The following ZNF516 variants were observed in gnomAD, a reference collection of about 807,000 sequenced individuals.
The protein encoded by ZNF516 is zinc finger protein 516.
Under a neutral mutation model 79.7 loss-of-function variants are expected in ZNF516, and 19 were observed. The ratio of observed to expected loss-of-function variants is 0.24; its 90% CI spans 0.17 to 0.35. The LOEUF is 0.35. Ranked by LOEUF, ZNF516 falls within the 10% of genes least tolerant of loss-of-function variation. The probability of loss-of-function intolerance (pLI) is 1.00; values close to 1 mark genes in which losing one functional copy is unlikely to be tolerated. For synonymous variants in ZNF516, 877 were observed against 739.5 expected (o/e 1.19, Z -3.02); for missense variants, 1,678 against 1,679.5 (o/e 1.00, Z 0.02).
At chr18:76,475,867 A>G (rs1914144967) in intron 1 of ZNF516, among the ~76,000 whole-genome samples, 1 of 152,256 alleles carries the variant, frequency 6.6e-6, no homozygotes, top group Non-Finnish European at 1.5e-5. Flanking sequence ...TTTAAAATGT[A>G]TATATTTAAA....
intron 1 of ZNF516, among the ~76,000 whole-genome samples, chr18:76,466,542 G>A (rs1913481546): frequency 6.6e-6 from 1 of 152,244 alleles, no homozygotes; most frequent in Non-Finnish European, 1.5e-5. Context: ...TACTTGGCTG[G>A]CACGGCCGGA....
intron 2 of ZNF516, among the ~76,000 whole-genome samples, chr18:76,462,504 C>G (rs529134241): frequency 6.6e-6 from 1 of 152,256 alleles, no homozygotes; most frequent in Admixed American, 6.5e-5. Context: ...AACCTGCCCC[C>G]GTGCGGACGC....
At position 76,380,040 on chromosome 18, in the gene ZNF516, C is replaced by T; in HGVS notation, c.2074G>A (p.Glu692Lys). ...QEVPVPGDGVEFPSSTGAEGQ... is the reference protein window; with the variant it reads ...QEVPVPGDGVKFPSSTGAEGQ... ...TCCGCTCCCGTACTGGAAGGGAACTCCACACCATCACCAGGGACGGGCACC... is the reference window on the plus strand; with the variant it reads ...TCCGCTCCCGTACTGGAAGGGAACTTCACACCATCACCAGGGACGGGCACC... The change falls in exon 4 of 7, where the codon GAG becomes AAG. Residue 692 changes from glutamate (E) to lysine (K), a missense_variant. Physicochemically the swap from Glu to Lys is moderately conservative, Grantham distance 56 (BLOSUM62 1). This residue lies in a region of ZNF516 where 1,294 missense variants were observed against 1,248.3 expected (regional missense o/e 1.04). Coordinates refer to ENST00000443185, the MANE Select transcript of ZNF516 (RefSeq NM_014643.4). 6.2e-7 allele frequency: 1 copy of T among 1,613,960 alleles called. No homozygotes were observed. Among genetic ancestry groups the T allele is most frequent in the Non-Finnish European group, 8.5e-7 (1 of 1,179,866 alleles).
intron 1 of ZNF516, among the ~76,000 whole-genome samples, chr18:76,487,289 T>C (rs561423918): frequency 2.4e-3 from 359 of 152,332 alleles, no homozygotes; most frequent in Non-Finnish European, 3.8e-3. Context: ...TGTGGCCAGA[T>C]GCAGAGCATA....
chr18:76,379,138 C>T lies in ZNF516; in HGVS notation c.2976G>A (p.Gly992=). The change falls in exon 4 of 7, where the codon GGG becomes GGA. Residue 992 remains glycine, a synonymous_variant. Transcript: ENST00000443185. The part of the protein sequence containing the change: ...PQGPPPAKGE[G]GAPPLPPREP... ...CGCGGGGAGGTAGAGGAGGAGCGCC[C>T]CCTTCGCCCTTTGCAGGAGGTGGAC... 6.2e-7 allele frequency: 1 copy of T among 1,612,770 alleles called. No homozygotes were observed. The highest frequency in any genetic ancestry group is 8.5e-7 in the Non-Finnish European group (1 of 1,179,686).
At chr18:76,475,622 G>A (rs751942515) in intron 1 of ZNF516, among the ~76,000 whole-genome samples, 3 of 152,094 alleles carry the variant, frequency 2.0e-5, no homozygotes, top group Non-Finnish European at 4.4e-5. Context: ...GCTCCACAGG[G>A]CAGCAGCCAG....
intron 1 of ZNF516, chr18:76,492,999 C>T (rs762144798): frequency 2.1e-5 from 21 of 985,490 alleles, no homozygotes; most frequent in Middle Eastern, 1.0e-3. Context: ...CACACACACA[C>T]CCCAAATTAC....
chr18:76,462,725 CCCACCCCAGGAGCA>C (rs890879523), intron 2 of ZNF516, among the ~76,000 whole-genome samples: 93 of 152,156 alleles, frequency 6.1e-4, no homozygotes, highest in Non-Finnish European at 2.1e-4. Flanking sequence ...GAATGGACCC[CCCACCCCAGGAGCA>C]CCAAGTTCTA....
In ZNF516 at chr18:76,380,055, G is replaced by A. The variant is rs2145034583; in HGVS notation, c.2059C>T (p.Pro687Ser). The A allele has an allele frequency of 6.2e-7, 1 of 1,613,872 alleles. No individual in the cohort carries two copies. The highest frequency in any genetic ancestry group is 1.1e-5 in the South Asian group (1 of 91,076). The change falls in exon 4 of 7, where the codon CCT (proline) becomes TCT (serine). Residue 687 changes from proline (P) to serine (S), a missense_variant. Around this residue, in one of 5 missense-constraint regions of ZNF516, gnomAD observed 1,294 missense variants for 1,248.3 expected, o/e 1.04. Coordinates refer to ENST00000443185, the MANE Select transcript of ZNF516 (RefSeq NM_014643.4). Reference sequence around the variant, plus strand: ...GAAGGGAACTCCACACCATCACCAGGGACGGGCACCTCCTGCTTGGGGTGA... The same window carrying A: ...GAAGGGAACTCCACACCATCACCAGAGACGGGCACCTCCTGCTTGGGGTGA... Reference protein sequence around the residue: ...AFHPKQEVPVPGDGVEFPSST... With the variant: ...AFHPKQEVPVSGDGVEFPSST...
At chr18:76,418,261 C>T (rs763850330) in intron 3 of ZNF516, among the ~76,000 whole-genome samples, 17 of 151,780 alleles carry the variant, frequency 1.1e-4, no homozygotes, top group Admixed American at 3.3e-4. Flanking sequence ...TAACATACAC[C>T]GTAACACACT....
At chr18:76,421,249 G>A (rs1041419945) in intron 3 of ZNF516, among the ~76,000 whole-genome samples, 1 of 152,246 alleles carries the variant, frequency 6.6e-6, no homozygotes, top group Non-Finnish European at 1.5e-5. Context: ...TAGAGACAGG[G>A]TGTGAAGTCA....
Position 76,360,632 on chromosome 18 carries a change from T to TTAAAA in ZNF516, c.*1865_*1866insTTTTA, listed in dbSNP as rs2074516121. 1 of 25,718 alleles carries TTAAAA rather than the reference T, an allele frequency of 3.9e-5. No individual in the cohort carries two copies. The highest frequency in any genetic ancestry group is 7.7e-4 in the Admixed American group (1 of 1,296). The allele number at this position is 25,718 out of a possible 1,614,324, so 1.6% of individuals were successfully genotyped here. On this transcript the variant is annotated 3_prime_UTR_variant, in exon 7 of 7. Transcript: ENST00000443185. ...TGTAAGAATATCAGAAAAAAATAAG[T>TTAAAA]AAAAAAAAAAAAAAATATATATATA...
chr18:76,449,096 G>A (rs547977150), intron 2 of ZNF516, among the ~76,000 whole-genome samples: 11 of 152,122 alleles, frequency 7.2e-5, no homozygotes, highest in Admixed American at 6.5e-4. Flanking sequence ...ACATCCTGTC[G>A]GCTGCACCTC....
rs555937325 is a variant in ZNF516 at position 76,414,963 on chromosome 18, C to CGAGGTGGGCAGATCACCT, written c.1810+26264_1810+26281dup. Among the ~76,000 whole-genome samples, 285 of 152,286 alleles carry CGAGGTGGGCAGATCACCT rather than the reference C, an allele frequency of 1.9e-3. 1 individual carries two copies. Among genetic ancestry groups the CGAGGTGGGCAGATCACCT allele is most frequent in the African/African-American group, 6.6e-3 (275 of 41,564 alleles). On this transcript the variant is annotated intron_variant, in intron 3 of 6. Coordinates refer to ENST00000443185, the MANE Select transcript of ZNF516 (RefSeq NM_014643.4). ...CTGTAATCTCAGCACTTTGGGAGGC[C>CGAGGTGGGCAGATCACCT]GAGGTGGGCAGATCACCTGAGGTCA...
chr18:76,442,694 C>T lies in ZNF516; in HGVS notation c.361G>A (p.Ala121Thr), dbSNP rs774994775. 3 of 1,582,340 alleles carry T rather than the reference C, an allele frequency of 1.9e-6. No individual in the cohort carries two copies. The highest frequency in any genetic ancestry group is 2.7e-5 in the African/African-American group (2 of 74,188). ...LDACASPTKS[A>T]SACNRLLNGA... Reference sequence around the variant, plus strand: ...TTCAGCAGCCGGTTGCAGGCCGAGGCGCTCTTGGTGGGGCTGGCGCAGGCG... The same window carrying T: ...TTCAGCAGCCGGTTGCAGGCCGAGGTGCTCTTGGTGGGGCTGGCGCAGGCG... The change falls in exon 3 of 7, where the codon GCC (alanine) becomes ACC (threonine). Residue 121 changes from alanine to threonine, a missense_variant. Physicochemically the swap from Ala to Thr is moderately conservative, Grantham distance 58 (BLOSUM62 0). Around this residue, in one of 5 missense-constraint regions of ZNF516, gnomAD observed 279 missense variants for 254.1 expected, o/e 1.10. Coordinates refer to ENST00000443185, the MANE Select transcript of ZNF516 (RefSeq NM_014643.4).
In ZNF516 at chr18:76,443,008, C is replaced by G. The variant is rs1911812421; in HGVS notation, c.47G>C (p.Ser16Thr). 6.2e-7 allele frequency: 1 copy of G among 1,600,214 alleles called. No homozygotes were observed. ...EAEMELRRGP[S>T]PTRAGRGHEV... is the part of the protein sequence containing the mutation. ...GTGGCCCCGGCCGGCCCTGGTGGGG[C>G]TGGGGCCTCGCCTCAGCTCCATCTC... Residue 16 changes from serine to threonine, a missense_variant, in exon 3 of 7, where the codon AGC becomes ACC. Ser to Thr is a moderately conservative substitution (Grantham distance 58). This residue lies in a region of ZNF516 where 62 missense variants were observed against 58.9 expected (regional missense o/e 1.05). Transcript: ENST00000443185.
chr18:76,472,127 T>A (rs928732753), intron 1 of ZNF516, among the ~76,000 whole-genome samples: 4 of 152,262 alleles, frequency 2.6e-5, no homozygotes, highest in African/African-American at 7.2e-5. Flanking sequence ...TTCAGAAACC[T>A]CCTGCCGGTC....
chr18:76,469,742 G>A (rs1191180859), intron 1 of ZNF516, among the ~76,000 whole-genome samples: 1 of 152,160 alleles, frequency 6.6e-6, no homozygotes, highest in East Asian at 1.9e-4. Context: ...ACTCAGAAAA[G>A]CAGACAGAGC....
At position 76,459,477 on chromosome 18, in the gene ZNF516, T is replaced by C. The variant is rs1912962202; in HGVS notation, c.-158+3551A>G. On this transcript the variant is annotated intron_variant, in intron 2 of 6. Transcript: ENST00000443185. The surrounding 1 kb of genome is among the most constrained non-coding windows in gnomAD (Gnocchi z 5.0). ...CTCGCGTGCCAAGCTGGCCCTGAGC[T>C]CAGCCCAGGATTTGTGCCATTCAGG... is the stretch of plus-strand genomic sequence containing the variant. Among the ~76,000 whole-genome samples the C allele has an allele frequency of 1.3e-5, 2 of 152,190 alleles. No individual in the cohort carries two copies. The highest frequency in any genetic ancestry group is 4.1e-4 in the South Asian group (2 of 4,834).
Sources: allele counts gnomAD v4.1 joint callset (sites outside exome capture counted in the v4.1 genomes callset), GRCh38; gene constraint gnomAD v4.1.1; regional missense constraint gnomAD v4.1.1; non-coding constraint Gnocchi (gnomAD v3.1); transcripts MANE v1.5; gene names NCBI Gene and HGNC (gene_info 2026-07-23, HGNC 2026-07-21).